Variants in ARHGAP44 observed in about 807,000 individuals in gnomAD.
The protein encoded by ARHGAP44 is rho GTPase-activating protein 44.
A neutral mutation model predicts 106.8 loss-of-function variants in ARHGAP44; 43 were observed. That is an observed-to-expected ratio of 0.40 (90% CI 0.32 to 0.52). The LOEUF is 0.52. ARHGAP44 is among the 20% of genes least tolerant of loss of function. ARHGAP44 has a pLI of 0.48. For missense variants in ARHGAP44, 866 were observed against 1,050.5 expected, an observed-to-expected ratio of 0.82 and a Z score of 2.43; for synonymous variants, 439 against 410.3, an observed-to-expected ratio of 1.07 and a Z score of -0.85.
chr17:12,852,865 GT>G (rs2035798370), intron 1 of ARHGAP44, among the ~76,000 whole-genome samples: 1 of 152,118 alleles, frequency 6.6e-6, no homozygotes, highest in Non-Finnish European at 1.5e-5. Flanking sequence ...AAAAAAAGTT[GT>G]TTTGTTTTTT....
intron 16 of ARHGAP44, among the ~76,000 whole-genome samples, chr17:12,961,959 T>C (rs1274395401): frequency 1.3e-5 from 2 of 152,136 alleles, no homozygotes; most frequent in South Asian, 2.1e-4. Context: ...GTTCTCTATA[T>C]TGGCCCCATT....
intron 1 of ARHGAP44, among the ~76,000 whole-genome samples, chr17:12,839,844 T>C (rs1472260172): frequency 6.6e-6 from 1 of 152,184 alleles, no homozygotes; most frequent in Non-Finnish European, 1.5e-5. Context: ...AACCCAGGAA[T>C]AAAACAAGTC....
intron 1 of ARHGAP44, among the ~76,000 whole-genome samples, chr17:12,842,294 G>A (rs2035434158): frequency 6.6e-6 from 1 of 151,720 alleles, no homozygotes; most frequent in Non-Finnish European, 1.5e-5. Flanking sequence ...GCACACACCT[G>A]TAGTCCTAGC....
At chr17:12,821,243 G>A (rs1384350745) in intron 1 of ARHGAP44, among the ~76,000 whole-genome samples, 1 of 152,156 alleles carries the variant, frequency 6.6e-6, no homozygotes, top group Non-Finnish European at 1.5e-5. Flanking sequence ...GCATGGGGAT[G>A]AGTAAGGGAT....
In ARHGAP44 at chr17:12,937,643, C is replaced by T. The variant is rs111805014; in HGVS notation, c.583-3413C>T. ...AAGAGTTGTTGAGTTTCAGTTTGTT[C>T]AGCTTTTTACCTGTTAGTACTGACT... On this transcript the variant is annotated intron_variant, in intron 7 of 20. Coordinates refer to ENST00000379672, the MANE Select transcript of ARHGAP44 (RefSeq NM_014859.6). Among the ~76,000 whole-genome samples, 5 of 152,158 alleles carry T rather than the reference C, an allele frequency of 3.3e-5. No homozygotes were observed. The South Asian group carries it at 1.0e-3, about 32-fold the overall frequency.
At chr17:12,965,654 T>G (rs1238531468) in intron 16 of ARHGAP44, among the ~76,000 whole-genome samples, 1 of 152,194 alleles carries the variant, frequency 6.6e-6, no homozygotes, top group Non-Finnish European at 1.5e-5. Flanking sequence ...GAAACCAGTT[T>G]CTTTAGTGTA....
chr17:12,973,934 G>A, intron 17 of ARHGAP44, 155 bp from the exon 18 acceptor site: 5 of 802,294 alleles, frequency 6.2e-6, no homozygotes, highest in Non-Finnish European at 6.1e-6. Flanking sequence ...AGGGTGCTGG[G>A]AGCACAGCCC....
chr17:12,885,900 G>T (rs2036867902), intron 1 of ARHGAP44, among the ~76,000 whole-genome samples: 1 of 151,962 alleles, frequency 6.6e-6, no homozygotes, highest in Non-Finnish European at 1.5e-5. Context: ...ATGAATCATG[G>T]TTTTGATGTT....
At chr17:12,938,582 T>C (rs1207998120) in intron 7 of ARHGAP44, among the ~76,000 whole-genome samples, 1 of 127,002 alleles carries the variant, frequency 7.9e-6, no homozygotes, top group Non-Finnish European at 1.7e-5. Context: ...AGCTATATAT[T>C]AAAAAAAAAA....
intron 7 of ARHGAP44, among the ~76,000 whole-genome samples, chr17:12,939,973 C>T (rs1490144643): frequency 6.6e-6 from 1 of 152,220 alleles, no homozygotes; most frequent in Non-Finnish European, 1.5e-5. Context: ...AAACATATTG[C>T]TCCTGCAAAT....
intron 1 of ARHGAP44, among the ~76,000 whole-genome samples, chr17:12,854,017 G>C (rs1597944952): frequency 6.6e-6 from 1 of 152,258 alleles, no homozygotes; most frequent in African/African-American, 2.4e-5. Context: ...TAGCAGGCAT[G>C]CCTCAGTCTC....
chr17:12,957,014 C>T (rs544947086), intron 15 of ARHGAP44, among the ~76,000 whole-genome samples: 27 of 152,196 alleles, frequency 1.8e-4, no homozygotes, highest in East Asian at 3.9e-4. Context: ...TGCAATGGTC[C>T]GATCCGGCTC....
At chr17:12,973,479 C>T in intron 17 of ARHGAP44, 160 bp downstream of exon 17, 2 of 727,804 alleles carry the variant, frequency 2.7e-6, no homozygotes, top group Non-Finnish European at 4.5e-6. Context: ...AATCAGAGCC[C>T]AGAGGGACCA....
intron 1 of ARHGAP44, among the ~76,000 whole-genome samples, chr17:12,893,103 C>G (rs948408376): frequency 2.0e-5 from 3 of 151,998 alleles, no homozygotes; most frequent in Non-Finnish European, 4.4e-5. Context: ...TCTGATGCTG[C>G]TCTAGTGGGG....
At chr17:12,901,301 C>T (rs2037370483) in intron 3 of ARHGAP44, among the ~76,000 whole-genome samples, 1 of 151,944 alleles carries the variant, frequency 6.6e-6, no homozygotes, top group Non-Finnish European at 1.5e-5. Flanking sequence ...TGACATGGGG[C>T]GGGACTGCAG....
chr17:12,966,032 A>G (rs1040258955), intron 16 of ARHGAP44, among the ~76,000 whole-genome samples: 7 of 152,044 alleles, frequency 4.6e-5, no homozygotes, highest in African/African-American at 1.2e-4. Context: ...GCACACACCT[A>G]TAGTCCCAGC....
chr17:12,833,073 T>G (rs1228254092), intron 1 of ARHGAP44, among the ~76,000 whole-genome samples: 13 of 152,198 alleles, frequency 8.5e-5, no homozygotes. Flanking sequence ...ATTCCCAGGC[T>G]CTGGCAAAGC....
At chr17:12,857,300 A>G (rs1252299252) in intron 1 of ARHGAP44, among the ~76,000 whole-genome samples, 1 of 152,214 alleles carries the variant, frequency 6.6e-6, no homozygotes, top group Non-Finnish European at 1.5e-5. Context: ...TAAAGAGGGT[A>G]ATTTATAAAG....
At chr17:12,807,220 G>A (rs995602370) in intron 1 of ARHGAP44, among the ~76,000 whole-genome samples, 2 of 152,192 alleles carry the variant, frequency 1.3e-5, no homozygotes, top group Non-Finnish European at 2.9e-5. Flanking sequence ...GCTGAGCAGA[G>A]AGGAGGGCTG....
Sources: gnomAD v4.1 joint callset for allele counts (sites outside exome capture counted in the v4.1 genomes callset) on GRCh38, gnomAD v4.1.1 for gene constraint, MANE v1.5 for transcripts, NCBI Gene and HGNC (gene_info 2026-07-23, HGNC 2026-07-21) for gene names.